The following CEP126 variants were observed in gnomAD, a reference collection of about 807,000 sequenced individuals.
CEP126 encodes the protein centrosomal protein of 126 kDa.
A neutral mutation model predicts 107.8 loss-of-function variants in CEP126; 74 were observed. That is an observed-to-expected ratio of 0.69 (90% CI 0.57 to 0.83). The LOEUF is 0.83. Ranked by LOEUF, CEP126 falls within the 40% of genes least tolerant of loss-of-function variation. CEP126 has a pLI of 0.00. For missense variants in CEP126, 1,237 were observed against 1,281.9 expected (o/e 0.96, Z 0.53); for synonymous variants, 449 against 446.0 (o/e 1.01, Z -0.08).
At chr11:101,932,649 CT>C (rs1940518637) in intron 2 of CEP126, among the ~76,000 whole-genome samples, 3 of 152,100 alleles carry the variant, frequency 2.0e-5, no homozygotes, top group Middle Eastern at 3.4e-3. Context: ...GCCTAGAGCA[CT>C]TTTTTTCCCC....
chr11:101,956,459 G>A (rs535993778), intron 4 of CEP126: 36 of 456,462 alleles, frequency 7.9e-5, no homozygotes, highest in Admixed American at 1.9e-4. Context: ...AAATCAGCCC[G>A]AGGCCTTTGC....
At chr11:101,990,384 T>C (rs2137134457) in intron 9 of CEP126, among the ~76,000 whole-genome samples, 1 of 152,228 alleles carries the variant, frequency 6.6e-6, no homozygotes, top group South Asian at 2.1e-4. Context: ...CGTACCTTCT[T>C]GATTGCTCTC....
chr11:101,982,427 T>C lies in CEP126; in HGVS notation c.3034+463T>C, dbSNP rs532545430. Among the ~76,000 whole-genome samples, 267 of 152,294 alleles carry C rather than the reference T, an allele frequency of 1.8e-3. 1 individual carries two copies. The highest frequency in any genetic ancestry group is 6.2e-3 in the African/African-American group (258 of 41,568). On this transcript the variant is annotated intron_variant, in intron 8 of 10. Coordinates refer to ENST00000263468, the MANE Select transcript of CEP126 (RefSeq NM_020802.4). ...CAACTTGAGGTAGAATCTTTTCATA[T>C]TTGCTATAGACAGAAAAATAGTATT...
Position 101,997,783 on chromosome 11 carries a change from A to T in CEP126, c.*140A>T. The stretch of plus-strand genomic sequence containing the variant: ...TTGTCCTAACTCAGATTTTGTGAGC[A>T]GTGAAGTTTAACAGAGCAGTGACAT... On this transcript the variant is annotated 3_prime_UTR_variant, in exon 11 of 11. Transcript: ENST00000263468. 2.5e-6 allele frequency: 3 copies of T among 1,190,584 alleles called. No individual in the cohort carries two copies. Among genetic ancestry groups the T allele is most frequent in the Non-Finnish European group, 3.6e-6 (3 of 836,486 alleles). 73.8% of individuals were successfully genotyped at this position (1,190,584 alleles called of 1,614,324 possible). A position where few individuals can be genotyped will look rare whatever the true frequency, so the allele number is the denominator to read the frequency against.
chr11:101,931,897 G>T (rs1029894201), intron 2 of CEP126, among the ~76,000 whole-genome samples: 2 of 152,188 alleles, frequency 1.3e-5, no homozygotes, highest in Non-Finnish European at 1.5e-5. Flanking sequence ...CAGGAAACAA[G>T]AACAAATAGT....
At chr11:101,949,638 TG>T (rs1342620117) in intron 4 of CEP126, among the ~76,000 whole-genome samples, 1 of 151,904 alleles carries the variant, frequency 6.6e-6, no homozygotes, top group African/African-American at 2.4e-5. Context: ...TAAATTTTCA[TG>T]GGAAAAAAAA....
At position 101,958,261 on chromosome 11, in the gene CEP126, G is replaced by T; in HGVS notation, c.600G>T (p.Met200Ile). 6.2e-7 allele frequency: 1 copy of T among 1,613,970 alleles called. No individual in the cohort carries two copies. The highest frequency in any genetic ancestry group is 2.2e-5 in the East Asian group (1 of 44,844). ...CCAAAATCAATTGTGAGAAAGAAATGAATGAAAACATGAGGGCAACCTTGG... is the reference window on the plus strand; with the variant it reads ...CCAAAATCAATTGTGAGAAAGAAATTAATGAAAACATGAGGGCAACCTTGG... The part of the protein sequence containing the change: ...LLSKINCEKE[M>I]NENMRATLAT... Residue 200 changes from methionine (M) to isoleucine (I), a missense_variant, in exon 5 of 11, where the codon ATG becomes ATT. Around this residue, in one of 3 missense-constraint regions of CEP126, gnomAD observed 1,134 missense variants for 1,150.5 expected, o/e 0.99. Coordinates refer to ENST00000263468, the MANE Select transcript of CEP126 (RefSeq NM_020802.4).
chr11:101,980,483 TATTTAGAGCCC>T (rs1941242900), intron 7 of CEP126, among the ~76,000 whole-genome samples: 1 of 152,210 alleles, frequency 6.6e-6, no homozygotes, highest in Non-Finnish European at 1.5e-5. Flanking sequence ...ATGCTTAATG[TATTTAGAGCCC>T]ATTTTTGTCC....
Position 101,928,228 on chromosome 11 carries a change from G to T in CEP126, c.248+5468G>T, listed in dbSNP as rs895304547. On this transcript the variant is annotated intron_variant, in intron 2 of 10. Coordinates refer to ENST00000263468, the MANE Select transcript of CEP126 (RefSeq NM_020802.4). The stretch of plus-strand genomic sequence containing the variant: ...TTGGACTGTTTGCTCTTTTATTATT[G>T]AGTTTTGAGAGCTCTACATATATTC... Among the ~76,000 whole-genome samples the T allele has an allele frequency of 1.1e-4, 17 of 151,850 alleles. No homozygotes were observed. In the Middle Eastern group the frequency reaches 0.01, roughly 91 times the overall value.
chr11:101,963,949 C>T lies in CEP126; in HGVS notation c.2845+69C>T, dbSNP rs1211315208. ...TTGTTAAAGTCATGTGAAATTGTTC[C>T]TATTTATGTATGGCCATACATACTA... On this transcript the variant is annotated intron_variant, in intron 6 of 10. Coordinates refer to ENST00000263468, the MANE Select transcript of CEP126 (RefSeq NM_020802.4). The T allele has an allele frequency of 3.8e-6, 4 of 1,047,954 alleles. No individual in the cohort carries two copies. In the Admixed American group the frequency reaches 9.3e-5, roughly 24 times the overall value. The allele number at this position is 1,047,954 out of a possible 1,614,324, so 64.9% of individuals were successfully genotyped here. A position where few individuals can be genotyped will look rare whatever the true frequency, so the allele number is the denominator to read the frequency against.
At chr11:101,964,460 C>T (rs1375896101) in intron 6 of CEP126, among the ~76,000 whole-genome samples, 1 of 150,818 alleles carries the variant, frequency 6.6e-6, no homozygotes, top group Non-Finnish European at 1.5e-5. Flanking sequence ...GTGACGAAAC[C>T]CTGTCTCTAC....
chr11:101,982,004 C>T (rs749914277), intron 8 of CEP126, 40 bp downstream of exon 8: 11 of 1,142,720 alleles, frequency 9.6e-6, no homozygotes, highest in African/African-American at 6.3e-5. Context: ...ATCTTTGTTC[C>T]CAGTGATTTT....
chr11:101,980,267 A>G (rs907161933), intron 7 of CEP126, among the ~76,000 whole-genome samples: 6 of 152,148 alleles, frequency 3.9e-5, no homozygotes, highest in Admixed American at 2.0e-4. Context: ...TTCCCATCCA[A>G]CGTCTCAAAA....
At chr11:101,958,111 TAGAA>T (rs924187124) in intron 4 of CEP126, 53 bp from the exon 5 acceptor site, 2 of 1,449,516 alleles carry the variant, frequency 1.4e-6, no homozygotes, top group African/African-American at 2.8e-5. Context: ...TATATACATA[TAGAA>T]AGAAGTTAAC....
In CEP126 at chr11:101,999,056, C is replaced by T. The variant is rs1371774612; in HGVS notation, c.*1413C>T. The stretch of plus-strand genomic sequence containing the variant: ...CTAATGAAGGAAACATTTGTGCTTT[C>T]CTATATTTTTAATTTTAAGAATAGG... On this transcript the variant is annotated 3_prime_UTR_variant, in exon 11 of 11. Transcript: ENST00000263468. 1 of 151,974 alleles carries T rather than the reference C, an allele frequency of 6.6e-6. No homozygotes were observed. Among genetic ancestry groups the T allele is most frequent in the East Asian group, 1.9e-4 (1 of 5,196 alleles). The allele number at this position is 151,974 out of a possible 1,614,324, so 9.4% of individuals were successfully genotyped here.
At chr11:101,939,277 T>C (rs1479076373) in intron 2 of CEP126, among the ~76,000 whole-genome samples, 1 of 152,220 alleles carries the variant, frequency 6.6e-6, no homozygotes, top group African/African-American at 2.4e-5. Flanking sequence ...TACATCTTTA[T>C]AATTTTTGTG....
chr11:101,980,391 A>G (rs1941241768), intron 7 of CEP126, among the ~76,000 whole-genome samples: 1 of 152,174 alleles, frequency 6.6e-6, no homozygotes, highest in South Asian at 2.1e-4. Flanking sequence ...CAAAATTTTA[A>G]ATGCCTGTTA....
In CEP126 at chr11:101,915,124, G is replaced by C; in HGVS notation, c.-161G>C. 2 of 1,099,708 alleles carry C rather than the reference G, an allele frequency of 1.8e-6. No homozygotes were observed. Among genetic ancestry groups the C allele is most frequent in the South Asian group, 3.7e-5 (2 of 54,764 alleles). The allele number at this position is 1,099,708 out of a possible 1,614,324, so 68.1% of individuals were successfully genotyped here. On this transcript the variant is annotated 5_prime_UTR_variant, in exon 1 of 11. Transcript: ENST00000263468. Reference sequence around the variant, plus strand: ...CATCGCCGCTACAGGCACCAGTGCCGCTGCGCGGGAGCTAGGGCTGTCGAG... The same window carrying C: ...CATCGCCGCTACAGGCACCAGTGCCCCTGCGCGGGAGCTAGGGCTGTCGAG...
At chr11:101,980,092 T>C (rs1941238923) in intron 7 of CEP126, among the ~76,000 whole-genome samples, 1 of 152,292 alleles carries the variant, frequency 6.6e-6, no homozygotes, top group Admixed American at 6.5e-5. Context: ...AATGATCTAA[T>C]CTTATCAGCA....
Sources: allele counts gnomAD v4.1 joint callset (sites outside exome capture counted in the v4.1 genomes callset), GRCh38; gene constraint gnomAD v4.1.1; regional missense constraint gnomAD v4.1.1; transcripts MANE v1.5; gene names NCBI Gene and HGNC (gene_info 2026-07-23, HGNC 2026-07-21).